Variants in SPIDR observed in about 807,000 individuals in gnomAD.
The protein encoded by SPIDR is DNA repair-scaffolding protein.
SPIDR carries 93 observed loss-of-function variants against 104.6 expected under a neutral mutation model. The ratio of observed to expected loss-of-function variants is 0.89; its 90% CI spans 0.75 to 1.06. The LOEUF (loss-of-function observed/expected upper bound fraction) is 1.06. SPIDR is among the 50% of genes least tolerant of loss of function. The pLI is 0.00. For synonymous variants in SPIDR, 431 were observed against 416.9 expected (o/e 1.03, Z -0.41); for missense variants, 1,154 against 1,111.2 (o/e 1.04, Z -0.55).
chr8:47,447,637 G>A (rs2070923327), intron 8 of SPIDR, among the ~76,000 whole-genome samples: 1 of 152,180 alleles, frequency 6.6e-6, no homozygotes, highest in African/African-American at 2.4e-5. Flanking sequence ...AGGTTTGAGA[G>A]GATTTACTGC....
At chr8:47,665,019 CGAGA>C (rs937414668) in intron 10 of SPIDR, among the ~76,000 whole-genome samples, 2 of 151,696 alleles carry the variant, frequency 1.3e-5, no homozygotes, top group African/African-American at 4.8e-5. Context: ...AATGAGAGTG[CGAGA>C]GAGAGAGGAT....
chr8:47,701,715 A>G lies in SPIDR; in HGVS notation c.1774-6A>G, dbSNP rs1197158425. 6.2e-7 allele frequency: 1 copy of G among 1,613,532 alleles called. No homozygotes were observed. The highest frequency in any genetic ancestry group is 2.2e-5 in the East Asian group (1 of 44,872). The stretch of plus-strand genomic sequence containing the variant: ...TTCACCTTCTACCTTTGTCTCATTT[A>G]AACAGATAAAAACTCATCTGCCTCC... On this transcript the variant is annotated splice_polypyrimidine_tract_variant and splice_region_variant and intron_variant, in intron 12 of 19. Coordinates refer to ENST00000297423, the MANE Select transcript of SPIDR (RefSeq NM_001080394.4).
At chr8:47,420,042 G>C (rs2065131460) in intron 7 of SPIDR, among the ~76,000 whole-genome samples, 2 of 152,124 alleles carry the variant, frequency 1.3e-5, no homozygotes, top group South Asian at 4.1e-4. Context: ...CAACTATGTG[G>C]TCAGTTTTGG....
chr8:47,733,944 T>C (rs2085713540), intron 19 of SPIDR, among the ~76,000 whole-genome samples: 1 of 152,158 alleles, frequency 6.6e-6, no homozygotes, highest in South Asian at 2.1e-4. Flanking sequence ...GCACACTGAA[T>C]AGGCACCACG....
chr8:47,691,819 C>T (rs941135001), intron 11 of SPIDR, among the ~76,000 whole-genome samples: 1 of 152,132 alleles, frequency 6.6e-6, no homozygotes, highest in Admixed American at 6.5e-5. Context: ...ATTAGTATTC[C>T]GCTAGCTTGA....
intron 5 of SPIDR, among the ~76,000 whole-genome samples, chr8:47,339,021 C>G (rs1587276835): frequency 6.6e-6 from 1 of 152,132 alleles, no homozygotes; most frequent in African/African-American, 2.4e-5. Flanking sequence ...TTAGAGTGAA[C>G]CTTCATGAGC....
chr8:47,340,156 A>G (rs2050471840), intron 5 of SPIDR, among the ~76,000 whole-genome samples: 1 of 151,888 alleles, frequency 6.6e-6, no homozygotes, highest in South Asian at 2.1e-4. Flanking sequence ...TTCCAAGTAG[A>G]TGAAGTTTCT....
intron 5 of SPIDR, among the ~76,000 whole-genome samples, chr8:47,352,488 A>G (rs546814572): frequency 3.2e-4 from 49 of 152,218 alleles, no homozygotes; most frequent in Admixed American, 2.8e-3. Flanking sequence ...TAAGACTGAA[A>G]ACTACAATGT....
intron 14 of SPIDR, among the ~76,000 whole-genome samples, chr8:47,708,839 AG>A (rs2081442146): frequency 6.6e-6 from 1 of 152,194 alleles, no homozygotes; most frequent in Admixed American, 6.5e-5. Flanking sequence ...CTTCATGGCT[AG>A]ATAGCTCGTT....
chr8:47,533,804 A>G (rs1156608385), intron 8 of SPIDR, among the ~76,000 whole-genome samples: 1 of 152,196 alleles, frequency 6.6e-6, no homozygotes. Context: ...AGGGAACCCT[A>G]ATACACTGTT....
intron 7 of SPIDR, among the ~76,000 whole-genome samples, chr8:47,410,774 G>A (rs1554670719): frequency 1.3e-5 from 2 of 151,866 alleles, no homozygotes; most frequent in African/African-American, 4.8e-5. Context: ...TCGTCATTTA[G>A]CATTACATAT....
rs746873950 is a variant in SPIDR at position 47,701,811 on chromosome 8, A to G, written c.1864A>G (p.Ile622Val). 3.7e-6 allele frequency: 6 copies of G among 1,614,014 alleles called. No individual in the cohort carries two copies. In the African/African-American group the frequency reaches 5.3e-5, roughly 14 times the overall value. Residue 622 changes from isoleucine to valine, a missense_variant, in exon 13 of 20, where the codon ATT (isoleucine) becomes GTT (valine). By Grantham distance (29) the Ile-to-Val change is conservative. Transcript: ENST00000297423. ...AATTGATATAATTGACGAAGACCCCATTTATAAGCTTTACCAGCCTCCAGT... is the reference window on the plus strand; with the variant it reads ...AATTGATATAATTGACGAAGACCCCGTTTATAAGCTTTACCAGCCTCCAGT... ...GQIDIIDEDP[I>V]YKLYQPPVTR...
chr8:47,286,690 C>G (rs1217964220), intron 3 of SPIDR, among the ~76,000 whole-genome samples: 2 of 152,102 alleles, frequency 1.3e-5, no homozygotes, highest in African/African-American at 4.8e-5. Context: ...AATAAAGAAC[C>G]ATCAGAACTT....
chr8:47,710,357 C>A (rs1184213022), intron 14 of SPIDR, among the ~76,000 whole-genome samples: 2 of 152,126 alleles, frequency 1.3e-5, no homozygotes, highest in East Asian at 3.9e-4. Flanking sequence ...GAAAGAGAGA[C>A]CACTGGCCAA....
intron 6 of SPIDR, among the ~76,000 whole-genome samples, chr8:47,401,893 G>T (rs556425510): frequency 1.3e-4 from 20 of 152,184 alleles, no homozygotes; most frequent in Admixed American, 1.2e-3. Flanking sequence ...TGGGAGACTT[G>T]TACACCCCAC....
intron 1 of SPIDR, among the ~76,000 whole-genome samples, chr8:47,266,302 T>C (rs1052648059): frequency 3.3e-5 from 5 of 152,078 alleles, no homozygotes; most frequent in Non-Finnish European, 4.4e-5. Context: ...GGCTAATCTT[T>C]TGTATTTTAG....
In SPIDR at chr8:47,719,073, G is replaced by A. The variant is rs550349596; in HGVS notation, c.2341+5432G>A. 2.6e-5 allele frequency among the ~76,000 whole-genome samples: 4 copies of A among 152,254 alleles called. No homozygotes were observed. The South Asian group carries it at 8.3e-4, about 32-fold the overall frequency. ...AGGTGGCCTGCATGGCACAGAGACAGCACTAAACACAGGCACCATTGGTTT... is the reference window on the plus strand; with the variant it reads ...AGGTGGCCTGCATGGCACAGAGACAACACTAAACACAGGCACCATTGGTTT... On this transcript the variant is annotated intron_variant, in intron 16 of 19. Transcript: ENST00000297423.
chr8:47,656,655 C>A (rs2072877088), intron 10 of SPIDR, among the ~76,000 whole-genome samples: 1 of 152,174 alleles, frequency 6.6e-6, no homozygotes, highest in Non-Finnish European at 1.5e-5. Flanking sequence ...AATTTTCACT[C>A]CTAGGTATAT....
At chr8:47,549,552 G>C (rs1019897054) in intron 8 of SPIDR, among the ~76,000 whole-genome samples, 4 of 152,178 alleles carry the variant, frequency 2.6e-5, no homozygotes, top group Non-Finnish European at 5.9e-5. Context: ...ATGTCTGTTG[G>C]CTGCATAAAT....
Sources: gnomAD v4.1 joint callset for allele counts (sites outside exome capture counted in the v4.1 genomes callset) on GRCh38, gnomAD v4.1.1 for gene constraint, MANE v1.5 for transcripts, NCBI Gene and HGNC (gene_info 2026-07-23, HGNC 2026-07-21) for gene names.